Variants in MAP3K4 observed in about 807,000 individuals in gnomAD.
MAP3K4 encodes the protein MAP three kinase 1.
Under a neutral mutation model 185.6 loss-of-function variants are expected in MAP3K4, and 67 were observed. The observed-to-expected ratio is 0.36, with a 90% CI of 0.30 to 0.44. The LOEUF (loss-of-function observed/expected upper bound fraction) is 0.44. Ranked by LOEUF, MAP3K4 falls within the 20% of genes least tolerant of loss-of-function variation. The pLI is 1.00. For synonymous variants in MAP3K4, 702 were observed against 710.4 expected (o/e 0.99, Z 0.19); for missense variants, 1,551 against 1,995.1 (o/e 0.78, Z 4.24).
Position 161,098,438 on chromosome 6 carries a change from C to T in MAP3K4, c.3674+11C>T. 3 of 1,610,540 alleles carry T rather than the reference C, an allele frequency of 1.9e-6. No individual in the cohort carries two copies. Among genetic ancestry groups the T allele is most frequent in the Non-Finnish European group, 2.5e-6 (3 of 1,177,722 alleles). On this transcript the variant is annotated intron_variant, in intron 17 of 26. Transcript: ENST00000392142. The surrounding 1 kb of genome is among the most constrained non-coding windows in gnomAD (Gnocchi z 4.4). The stretch of plus-strand genomic sequence containing the variant: ...TGCCCATGATACCAGGTAGTCTCAC[C>T]CCACCAGTGTCCCGTACCCTCACCA...
intron 3 of MAP3K4, among the ~76,000 whole-genome samples, chr6:161,060,637 T>G (rs867270286): frequency 2.2e-4 from 30 of 135,766 alleles, no homozygotes; most frequent in Middle Eastern, 3.9e-3. Flanking sequence ...TTTTTTTTTT[T>G]GAGAAGGAGT....
At position 161,034,291 on chromosome 6, in the gene MAP3K4, A is replaced by G. The variant is rs763697899; in HGVS notation, c.185A>G (p.Lys62Arg). The G allele has an allele frequency of 5.0e-6, 8 of 1,613,622 alleles. No homozygotes were observed. The highest frequency in any genetic ancestry group is 4.5e-5 in the East Asian group (2 of 44,858). The change falls in exon 2 of 27, where the codon AAG becomes AGG. Residue 62 changes from lysine (K) to arginine (R), a missense_variant. Physicochemically the swap from Lys to Arg is conservative, Grantham distance 26. This residue lies in a region of MAP3K4 where 287 missense variants were observed against 268.8 expected (regional missense o/e 1.07). Transcript: ENST00000392142. This position sits in a 1 kb window ranked among gnomAD's most constrained non-coding sequence, Gnocchi z 4.4. ...QEGTLGDSAC[K>R]SPESDLEDFS... The stretch of plus-strand genomic sequence containing the variant: ...GGCACATTGGGAGATTCAGCTTGCA[A>G]GAGTCCTGAATCTGATCTAGAAGAC...
rs779502010 is a variant in MAP3K4 at position 161,092,970 on chromosome 6, T to G, written c.3270-8T>G. On this transcript the variant is annotated splice_region_variant and splice_polypyrimidine_tract_variant and intron_variant, in intron 13 of 26. Transcript: ENST00000392142. ...GTTATGTGATTACTGAACTTTTTCGTGTACCAGGTGGGCGACTCAAGGATT... is the reference window on the plus strand; with the variant it reads ...GTTATGTGATTACTGAACTTTTTCGGGTACCAGGTGGGCGACTCAAGGATT... The G allele has an allele frequency of 8.1e-6, 13 of 1,603,982 alleles. No individual in the cohort carries two copies. Among genetic ancestry groups the G allele is most frequent in the Non-Finnish European group, 1.1e-5 (13 of 1,171,014 alleles).
chr6:161,026,417 G>A (rs1407433949), intron 1 of MAP3K4, among the ~76,000 whole-genome samples: 2 of 152,098 alleles, frequency 1.3e-5, no homozygotes, highest in East Asian at 1.9e-4. Flanking sequence ...TTACAGGCAT[G>A]AGCCACCGTG....
chr6:161,099,912 G>A lies in MAP3K4; in HGVS notation c.3674+1485G>A, dbSNP rs192679422. On this transcript the variant is annotated intron_variant, in intron 17 of 26. Transcript: ENST00000392142. ...AGTTTTTCAGCATTTCATCTTAAAC[G>A]CTTATCAGTAGCATTTCATAAGTAT... Among the ~76,000 whole-genome samples, 15 of 152,226 alleles carry A rather than the reference G, an allele frequency of 9.9e-5. No homozygotes were observed. In the East Asian group the frequency reaches 1.7e-3, roughly 18 times the overall value.
Position 161,063,054 on chromosome 6 carries a change from T to C in MAP3K4, c.1708-7554T>C, listed in dbSNP as rs142627504. Among the ~76,000 whole-genome samples the C allele has an allele frequency of 1.3e-5, 2 of 152,158 alleles. No homozygotes were observed. Among genetic ancestry groups the C allele is most frequent in the East Asian group, 3.9e-4 (2 of 5,174 alleles). The stretch of plus-strand genomic sequence containing the variant: ...TTTTTCTTAGTTTCTTTTTGAGTTA[T>C]AAAGTTTTCTTTTGTTGACCTCATT... On this transcript the variant is annotated intron_variant, in intron 3 of 26. Coordinates refer to ENST00000392142, the MANE Select transcript of MAP3K4 (RefSeq NM_005922.4). This position sits in a 1 kb window ranked among gnomAD's most constrained non-coding sequence, Gnocchi z 5.4.
At chr6:161,078,711 T>G (rs1201359794) in intron 5 of MAP3K4, among the ~76,000 whole-genome samples, 5 of 151,656 alleles carry the variant, frequency 3.3e-5, no homozygotes, top group Admixed American at 3.3e-4. Context: ...ACTGAAGAAG[T>G]GTTCGGTGGG....
Position 161,005,827 on chromosome 6 carries a change from G to A in MAP3K4, c.152+13744G>A, listed in dbSNP as rs184689959. Among the ~76,000 whole-genome samples, 9 of 151,944 alleles carry A rather than the reference G, an allele frequency of 5.9e-5. No homozygotes were observed. In the South Asian group the frequency reaches 1.0e-3, roughly 18 times the overall value. On this transcript the variant is annotated intron_variant, in intron 1 of 26. Transcript: ENST00000392142. ...TTTTGAGACAGAGTCTTGCTCTGTC[G>A]CCCAGGTTAGAGTGCAGTGGTGCAA...
intron 1 of MAP3K4, among the ~76,000 whole-genome samples, chr6:161,000,494 C>T (rs373746781): frequency 4.6e-4 from 70 of 152,308 alleles, no homozygotes; most frequent in Non-Finnish European, 9.1e-4. Flanking sequence ...GTTCTCTTGG[C>T]TGCTTATCCT....
At chr6:161,113,501 C>G (rs1301398769) in intron 25 of MAP3K4, among the ~76,000 whole-genome samples, 1 of 152,090 alleles carries the variant, frequency 6.6e-6, no homozygotes, top group Admixed American at 6.5e-5. Context: ...ACAGAGTGAA[C>G]CCTGATGTAA....
rs1392130282 is a variant in MAP3K4 at position 161,091,012 on chromosome 6, A to T, written c.2974-367A>T. Among the ~76,000 whole-genome samples, 1 of 152,208 alleles carries T rather than the reference A, an allele frequency of 6.6e-6. No homozygotes were observed. The highest frequency in any genetic ancestry group is 2.4e-5 in the African/African-American group (1 of 41,448). ...GAAATGAGGACAGCACGATCGGAGG[A>T]GGTCATCTAGAAGTACATGGACTTT... On this transcript the variant is annotated intron_variant, in intron 11 of 26. Coordinates refer to ENST00000392142, the MANE Select transcript of MAP3K4 (RefSeq NM_005922.4). This position sits in a 1 kb window ranked among gnomAD's most constrained non-coding sequence, Gnocchi z 5.5.
chr6:161,098,231 G>A lies in MAP3K4; in HGVS notation c.3525-47G>A, dbSNP rs890639660. ...TTAATTGAAAACAATTTTCAAGTCCGTTCCCTCTTCTCACATGTGTTCCTG... is the reference window on the plus strand; with the variant it reads ...TTAATTGAAAACAATTTTCAAGTCCATTCCCTCTTCTCACATGTGTTCCTG... On this transcript the variant is annotated intron_variant, in intron 16 of 26. Coordinates refer to ENST00000392142, the MANE Select transcript of MAP3K4 (RefSeq NM_005922.4). This position sits in a 1 kb window ranked among gnomAD's most constrained non-coding sequence, Gnocchi z 4.4. 30 of 1,525,936 alleles carry A rather than the reference G, an allele frequency of 2.0e-5. No homozygotes were observed. Among genetic ancestry groups the A allele is most frequent in the African/African-American group, 2.8e-5 (2 of 71,682 alleles). 94.5% of individuals were successfully genotyped at this position (1,525,936 alleles called of 1,614,324 possible).
intron 1 of MAP3K4, among the ~76,000 whole-genome samples, chr6:161,020,335 C>T (rs1177216183): frequency 2.6e-5 from 4 of 152,084 alleles, no homozygotes; most frequent in African/African-American, 9.7e-5. Flanking sequence ...ACTGCAGTGT[C>T]TCCCTGCCCA....
intron 1 of MAP3K4, among the ~76,000 whole-genome samples, chr6:161,009,896 A>G (rs1781768146): frequency 6.6e-6 from 1 of 152,146 alleles, no homozygotes; most frequent in Non-Finnish European, 1.5e-5. Context: ...GCACTAGGGA[A>G]TAGAGCTAAT....
chr6:161,062,789 A>G (rs1784539236), intron 3 of MAP3K4, among the ~76,000 whole-genome samples: 2 of 151,750 alleles, frequency 1.3e-5, no homozygotes. Flanking sequence ...TTTTCTTTAA[A>G]CTCTACTAGT....
Position 161,101,591 on chromosome 6 carries a change from G to C in MAP3K4, c.3675-301G>C, listed in dbSNP as rs1777842018. On this transcript the variant is annotated intron_variant, in intron 17 of 26. Coordinates refer to ENST00000392142, the MANE Select transcript of MAP3K4 (RefSeq NM_005922.4). This position sits in a 1 kb window ranked among gnomAD's most constrained non-coding sequence, Gnocchi z 5.1. ...CAGGCTCGGGTGTTGGCTATGGAGAGATGAAAATGGAGCCCTCCTTCCAGA... is the reference window on the plus strand; with the variant it reads ...CAGGCTCGGGTGTTGGCTATGGAGACATGAAAATGGAGCCCTCCTTCCAGA... 2.7e-5 allele frequency: 6 copies of C among 218,528 alleles called. No homozygotes were observed. The South Asian group carries it at 8.3e-4, about 30-fold the overall frequency. 13.5% of individuals were successfully genotyped at this position (218,528 alleles called of 1,614,324 possible).
Position 161,034,334 on chromosome 6 carries a change from T to G in MAP3K4, c.228T>G (p.Asn76Lys). The stretch of plus-strand genomic sequence containing the variant: ...TAGAAGACTTCTCCGATGAAACAAA[T>G]ACAGAGAATCTTTATGGTACCTCTC... ...SDLEDFSDET[N>K]TENLYGTSPP... The change falls in exon 2 of 27, where the codon AAT (asparagine) becomes AAG (lysine). Residue 76 changes from asparagine to lysine, a missense_variant. Around this residue, in one of 16 missense-constraint regions of MAP3K4, gnomAD observed 287 missense variants for 268.8 expected, o/e 1.07. Transcript: ENST00000392142. This position sits in a 1 kb window ranked among gnomAD's most constrained non-coding sequence, Gnocchi z 4.4. The G allele has an allele frequency of 6.2e-7, 1 of 1,613,812 alleles. No homozygotes were observed. The highest frequency in any genetic ancestry group is 8.5e-7 in the Non-Finnish European group (1 of 1,179,846).
At position 160,992,069 on chromosome 6, in the gene MAP3K4, C is replaced by T. The variant is rs1780738907; in HGVS notation, c.138C>T (p.Cys46=). Residue 46 remains cysteine, a synonymous_variant, in exon 1 of 27, where the codon TGC becomes TGT. Transcript: ENST00000392142. ...CCGAGACCGAGTCAGAACCCGAGTG[C>T]TGCTTGGCGGCGAGGTGAGTGTGGC... The part of the protein sequence containing the change: ...PEPETESEPE[C]CLAARQEGTL... The T allele has an allele frequency of 1.3e-6, 2 of 1,579,886 alleles. No homozygotes were observed. Among genetic ancestry groups the T allele is most frequent in the South Asian group, 1.1e-5 (1 of 87,730 alleles).
Position 161,107,336 on chromosome 6 carries a change from GT to G in MAP3K4, c.4049-560del, listed in dbSNP as rs1474798028. Among the ~76,000 whole-genome samples the G allele has an allele frequency of 1.3e-5, 2 of 152,196 alleles. No homozygotes were observed. Among genetic ancestry groups the G allele is most frequent in the African/African-American group, 4.8e-5 (2 of 41,432 alleles). ...CTTTGTCAGCCTGAGGAAACCTGAT[GT>G]TTCCTTGGAGCTATCAAGGAGGGCA... On this transcript the variant is annotated intron_variant, in intron 20 of 26. Transcript: ENST00000392142. The surrounding 1 kb of genome is among the most constrained non-coding windows in gnomAD (Gnocchi z 6.2).
Sources: gnomAD v4.1 joint callset for allele counts (sites outside exome capture counted in the v4.1 genomes callset) on GRCh38, gnomAD v4.1.1 for gene constraint, gnomAD v4.1.1 regional missense constraint, Gnocchi (gnomAD v3.1) non-coding constraint, MANE v1.5 for transcripts, NCBI Gene and HGNC (gene_info 2026-07-23, HGNC 2026-07-21) for gene names.